MYH9: variants seen among roughly 807,000 people sequenced by gnomAD.
MYH9 encodes the protein myosin heavy chain 9.
A neutral mutation model predicts 241.9 loss-of-function variants in MYH9; 29 were observed. That is an observed-to-expected ratio of 0.12 (90% CI 0.09 to 0.16). MYH9 has a LOEUF of 0.16. Ranked by LOEUF, MYH9 falls within the 10% of genes least tolerant of loss-of-function variation. MYH9 has a pLI of 1.00. For missense variants in MYH9, 1,803 were observed against 2,595.5 expected (o/e 0.69, Z 6.63); for synonymous variants, 1,047 against 1,062.6 (o/e 0.99, Z 0.29).
chr22:36,319,492 G>A, intron 10 of MYH9, 48 bp downstream of exon 10: 1 of 1,571,912 alleles, frequency 6.4e-7, no homozygotes, highest in South Asian at 1.1e-5. Flanking sequence ...GCAAATCCAT[G>A]GCCAAGCACC....
At chr22:36,336,485 A>G (rs2017501486) in intron 3 of MYH9, among the ~76,000 whole-genome samples, 3 of 152,252 alleles carry the variant, frequency 2.0e-5, no homozygotes, top group Admixed American at 6.5e-5. Context: ...CAGCAACACA[A>G]CGTTTACGCT....
At position 36,349,162 on chromosome 22, in the gene MYH9, G is replaced by C. The variant is rs1350004821; in HGVS notation, c.75C>G (p.Asp25Glu). The change falls in exon 2 of 41, where the codon GAC becomes GAG. Residue 25 changes from aspartate (D) to glutamate (E), a missense_variant. Physicochemically the swap from Asp to Glu is conservative, Grantham distance 45. Transcript: ENST00000216181. Reference sequence around the variant, plus strand: ...CCCATACCAGCTTCTTGGCAGCCCAGTCGGCCTGGGCCAGCGGATTGTTGA... The same window carrying C: ...CCCATACCAGCTTCTTGGCAGCCCACTCGGCCTGGGCCAGCGGATTGTTGA... ...NFINNPLAQA[D>E]WAAKKLVWVP... The C allele has an allele frequency of 6.2e-7, 1 of 1,614,208 alleles. No homozygotes were observed. The highest frequency in any genetic ancestry group is 8.5e-7 in the Non-Finnish European group (1 of 1,180,002).
chr22:36,380,990 G>A (rs1380596897), intron 1 of MYH9, among the ~76,000 whole-genome samples: 2 of 152,110 alleles, frequency 1.3e-5, no homozygotes, highest in East Asian at 3.9e-4. Context: ...AGATCAGAAA[G>A]GACTTCTGTT....
intron 15 of MYH9, chr22:36,308,716 G>GGT: frequency 1.7e-6 from 1 of 602,598 alleles, no homozygotes; most frequent in African/African-American, 4.7e-5. Flanking sequence ...GCCAAGGCAA[G>GGT]GGGGGGCGCG....
At chr22:36,359,846 A>C (rs2017910142) in intron 1 of MYH9, among the ~76,000 whole-genome samples, 1 of 152,190 alleles carries the variant, frequency 6.6e-6, no homozygotes, top group Admixed American at 6.5e-5. Context: ...AGAAGTGGAA[A>C]AACCACAGCC....
At chr22:36,350,469 G>A (rs542809853) in intron 1 of MYH9, among the ~76,000 whole-genome samples, 4 of 152,292 alleles carry the variant, frequency 2.6e-5, no homozygotes, top group East Asian at 3.9e-4. Context: ...CCCAGGAGGC[G>A]GGGGTTGTGG....
At chr22:36,345,437 ACTAT>A (rs2017662961) in intron 2 of MYH9, among the ~76,000 whole-genome samples, 1 of 151,914 alleles carries the variant, frequency 6.6e-6, no homozygotes, top group Non-Finnish European at 1.5e-5. Context: ...CGAGGCTCCA[ACTAT>A]AGCACTTAAG....
At chr22:36,374,621 C>T (rs537892540) in intron 1 of MYH9, among the ~76,000 whole-genome samples, 2 of 152,326 alleles carry the variant, frequency 1.3e-5, no homozygotes, top group East Asian at 3.9e-4. Context: ...GCTAGAAAAA[C>T]ATGCTGGCCA....
At chr22:36,350,712 T>G (rs937266119) in intron 1 of MYH9, among the ~76,000 whole-genome samples, 1 of 152,286 alleles carries the variant, frequency 6.6e-6, no homozygotes, top group African/African-American at 2.4e-5. Flanking sequence ...GCTCCCTGGA[T>G]GTAAGGGGCT....
intron 9 of MYH9, chr22:36,319,897 C>T: frequency 6.5e-6 from 4 of 612,368 alleles, no homozygotes; most frequent in Non-Finnish European, 8.7e-6. Flanking sequence ...AAGCACCCAT[C>T]TATCCCCAGC....
chr22:36,359,084 C>T (rs1277929420), intron 1 of MYH9, among the ~76,000 whole-genome samples: 1 of 152,194 alleles, frequency 6.6e-6, no homozygotes, highest in Admixed American at 6.5e-5. Flanking sequence ...AAAGCTCAAA[C>T]GCTCCCTTCT....
At chr22:36,355,539 G>A in intron 1 of MYH9, among the ~76,000 whole-genome samples, 1 of 152,168 alleles carries the variant, frequency 6.6e-6, no homozygotes, top group South Asian at 2.1e-4. Context: ...AGACAACGAG[G>A]GCTGATGTAA....
chr22:36,369,540 G>A (rs2146414937), intron 1 of MYH9, among the ~76,000 whole-genome samples: 1 of 152,260 alleles, frequency 6.6e-6, no homozygotes, highest in Non-Finnish European at 1.5e-5. Context: ...TCCCCACAAG[G>A]ACCAGGCTAA....
intron 11 of MYH9, among the ~76,000 whole-genome samples, chr22:36,317,027 ACGGC>A (rs1310270890): frequency 7.0e-6 from 1 of 142,568 alleles, no homozygotes; most frequent in African/African-American, 2.6e-5. Flanking sequence ...GCAGCAGTCT[ACGGC>A]CATACCACCC....
chr22:36,359,511 T>C (rs2017904218), intron 1 of MYH9, among the ~76,000 whole-genome samples: 1 of 152,210 alleles, frequency 6.6e-6, no homozygotes, highest in South Asian at 2.1e-4. Flanking sequence ...CTAATTTTTA[T>C]ATCCTCAAAA....
chr22:36,356,881 C>A (rs1268364254), intron 1 of MYH9, among the ~76,000 whole-genome samples: 1 of 152,230 alleles, frequency 6.6e-6, no homozygotes, highest in South Asian at 2.1e-4. Context: ...AACACCCAAA[C>A]GCAGTAAGCA....
intron 15 of MYH9, 55 bp downstream of exon 15, chr22:36,309,227 G>A: frequency 2.0e-6 from 3 of 1,467,842 alleles, no homozygotes; most frequent in Non-Finnish European, 1.9e-6. Context: ...GTGGAGGTGG[G>A]AAGATGACCA....
At chr22:36,355,507 C>G (rs2017840858) in intron 1 of MYH9, among the ~76,000 whole-genome samples, 1 of 151,624 alleles carries the variant, frequency 6.6e-6, no homozygotes, top group Non-Finnish European at 1.5e-5. Context: ...TTGGTTGAAA[C>G]GTTGAGAGCA....
intron 14 of MYH9, among the ~76,000 whole-genome samples, chr22:36,311,293 A>G (rs1359482916): frequency 1.3e-5 from 2 of 152,214 alleles, no homozygotes; most frequent in African/African-American, 4.8e-5. Context: ...TGTTGAGGGC[A>G]GGTCCACCAC....
Sources: allele counts gnomAD v4.1 joint callset (sites outside exome capture counted in the v4.1 genomes callset), GRCh38; gene constraint gnomAD v4.1.1; transcripts MANE v1.5; gene names NCBI Gene and HGNC (gene_info 2026-07-23, HGNC 2026-07-21).